The following NDST3 variants were observed in gnomAD, a reference collection of about 807,000 sequenced individuals.
NDST3 encodes the protein N-deacetylase and N-sulfotransferase 3, also known as bifunctional heparan sulfate N-deacetylase/N-sulfotransferase 3.
Under a neutral mutation model 96.1 loss-of-function variants are expected in NDST3, and 58 were observed. The ratio of observed to expected loss-of-function variants is 0.60; its 90% CI spans 0.49 to 0.75. The LOEUF (loss-of-function observed/expected upper bound fraction) is 0.75. NDST3 is among the 30% of genes least tolerant of loss of function. The probability of loss-of-function intolerance (pLI) is 0.00; values close to 1 mark genes in which losing one functional copy is unlikely to be tolerated. For missense variants in NDST3, 788 were observed against 1,034.2 expected (o/e 0.76, Z 3.27); for synonymous variants, 333 against 359.7 (o/e 0.93, Z 0.84).
At chr4:118,079,079 C>A (rs1727808619) in intron 2 of NDST3, among the ~76,000 whole-genome samples, 1 of 152,060 alleles carries the variant, frequency 6.6e-6, no homozygotes, top group Non-Finnish European at 1.5e-5. Context: ...AAAACTAGAC[C>A]ATTTTTGGCC....
chr4:118,230,938 A>G (rs1471906786), intron 8 of NDST3, among the ~76,000 whole-genome samples: 1 of 152,184 alleles, frequency 6.6e-6, no homozygotes, highest in Non-Finnish European at 1.5e-5. Context: ...TATTAAAGAA[A>G]GCTTAATTTA....
Position 118,164,600 on chromosome 4 carries a change from T to G in NDST3, c.1539+20916T>G, listed in dbSNP as rs116045114. Among the ~76,000 whole-genome samples the G allele has an allele frequency of 2.9e-3, 440 of 152,142 alleles. 2 individuals carry two copies. The highest frequency in any genetic ancestry group is 9.9e-3 in the African/African-American group (413 of 41,516). On this transcript the variant is annotated intron_variant, in intron 6 of 13. Transcript: ENST00000296499. ...CTAAAAGGAGTCCTTCAAGTTGAAA[T>G]GAAAACACCCTAGGCAGCAGCAGAA...
chr4:118,104,357 T>C (rs746494833), intron 2 of NDST3, among the ~76,000 whole-genome samples: 11 of 151,896 alleles, frequency 7.2e-5, no homozygotes, highest in Non-Finnish European at 1.0e-4. Context: ...GACTTAAAGA[T>C]TGAGAAAGAA....
chr4:118,114,234 C>T (rs534914089), intron 3 of NDST3, among the ~76,000 whole-genome samples: 24 of 152,168 alleles, frequency 1.6e-4, no homozygotes, highest in Non-Finnish European at 2.4e-4. Context: ...CAACTTCTGT[C>T]CATCACCTTC....
In NDST3 at chr4:118,114,720, C is replaced by T. The variant is rs757400621; in HGVS notation, c.1070-86C>T. On this transcript the variant is annotated intron_variant, in intron 3 of 13. Transcript: ENST00000296499. Reference sequence around the variant, plus strand: ...AAATGATGGCTTCTAAATACATATACGAGAAAAGATTAAATAGATAAGTAG... The same window carrying T: ...AAATGATGGCTTCTAAATACATATATGAGAAAAGATTAAATAGATAAGTAG... 9.9e-5 allele frequency: 138 copies of T among 1,391,230 alleles called. 1 individual carries two copies. Among genetic ancestry groups the T allele is most frequent in the Non-Finnish European group, 1.3e-4 (127 of 1,007,240 alleles). The allele number at this position is 1,391,230 out of a possible 1,614,324, so 86.2% of individuals were successfully genotyped here. A position where few individuals can be genotyped will look rare whatever the true frequency, so the allele number is the denominator to read the frequency against.
chr4:118,144,720 G>GA (rs975922170), intron 6 of NDST3, among the ~76,000 whole-genome samples: 8 of 141,656 alleles, frequency 5.6e-5, no homozygotes, highest in East Asian at 2.1e-4. Flanking sequence ...ATTCAAGATG[G>GA]AAAAAAAATT....
intron 2 of NDST3, chr4:118,055,446 G>C (rs1725362021): frequency 6.4e-6 from 1 of 155,798 alleles, no homozygotes; most frequent in East Asian, 1.9e-4. Context: ...TTAAACATGA[G>C]GATTTAACTT....
At chr4:118,084,339 A>G (rs1728252918) in intron 2 of NDST3, among the ~76,000 whole-genome samples, 1 of 152,172 alleles carries the variant, frequency 6.6e-6, no homozygotes, top group South Asian at 2.1e-4. Context: ...TATCTTAATT[A>G]TACATGATAA....
chr4:118,055,433 C>G (rs961012968), intron 2 of NDST3: 5 of 157,682 alleles, frequency 3.2e-5, no homozygotes, highest in African/African-American at 1.2e-4. Flanking sequence ...TATTTATTCA[C>G]ATTTAAACAT....
chr4:118,063,206 A>G (rs1304930584), intron 2 of NDST3, among the ~76,000 whole-genome samples: 18 of 131,348 alleles, frequency 1.4e-4, no homozygotes, highest in African/African-American at 1.6e-4. Flanking sequence ...AAAAAAAAAA[A>G]GGTCTGATGC....
intron 4 of NDST3, 96 bp from the exon 5 acceptor site, chr4:118,137,957 TA>T: frequency 9.7e-7 from 1 of 1,035,918 alleles, no homozygotes; most frequent in Non-Finnish European, 1.4e-6. Context: ...ATGATGCATT[TA>T]AATATATATA....
intron 5 of NDST3, among the ~76,000 whole-genome samples, chr4:118,140,645 G>A (rs1319124395): frequency 6.6e-6 from 1 of 152,154 alleles, no homozygotes; most frequent in East Asian, 1.9e-4. Flanking sequence ...CATGGCTGGG[G>A]AGACCTCAAG....
At chr4:118,193,399 G>C in intron 6 of NDST3, 1 of 635,078 alleles carries the variant, frequency 1.6e-6, no homozygotes, top group South Asian at 2.0e-5. Context: ...GGCTGGTGGA[G>C]AGGGGCTATG....
chr4:118,044,461 A>G (rs918432209), intron 1 of NDST3, among the ~76,000 whole-genome samples: 1 of 152,206 alleles, frequency 6.6e-6, no homozygotes, highest in Non-Finnish European at 1.5e-5. Context: ...CAGTGTTTGT[A>G]AGATTTGTCC....
intron 8 of NDST3, among the ~76,000 whole-genome samples, chr4:118,230,392 G>A (rs868597180): frequency 1.3e-5 from 2 of 152,140 alleles, no homozygotes; most frequent in South Asian, 4.1e-4. Context: ...TGGCTAACAC[G>A]GTGAAATCCC....
chr4:118,251,125 A>ATTT lies in NDST3; in HGVS notation c.2400-2372_2400-2370dup, dbSNP rs370800744. On this transcript the variant is annotated intron_variant, in intron 12 of 13. Coordinates refer to ENST00000296499, the MANE Select transcript of NDST3 (RefSeq NM_004784.3). ...ATTTATTTATTTATTTATTATTTTT[A>ATTT]TTTTATTTTTTTTTTTTTTGAGACG... 6.3e-4 allele frequency among the ~76,000 whole-genome samples: 70 copies of ATTT among 111,704 alleles called. 3 individuals are homozygous for ATTT. Among genetic ancestry groups the ATTT allele is most frequent in the Non-Finnish European group, 8.9e-4 (48 of 53,806 alleles). The allele number at this position is 111,704 out of a possible 152,430, so 73.3% of individuals were successfully genotyped here. A position where few individuals can be genotyped will look rare whatever the true frequency, so the allele number is the denominator to read the frequency against.
intron 6 of NDST3, among the ~76,000 whole-genome samples, chr4:118,216,871 A>G (rs1225694276): frequency 6.6e-6 from 1 of 152,130 alleles, no homozygotes; most frequent in African/African-American, 2.4e-5. Flanking sequence ...CAGCTTTACA[A>G]ATAAGATTAC....
intron 12 of NDST3, among the ~76,000 whole-genome samples, chr4:118,242,770 G>A (rs182777764): frequency 2.0e-5 from 3 of 151,720 alleles, no homozygotes; most frequent in Admixed American, 6.6e-5. Context: ...GGTTTCCTCC[G>A]ATTTTCTTAG....
At chr4:118,148,769 G>A (rs964379625) in intron 6 of NDST3, among the ~76,000 whole-genome samples, 1 of 152,060 alleles carries the variant, frequency 6.6e-6, no homozygotes, top group Non-Finnish European at 1.5e-5. Flanking sequence ...TTGACCTAAT[G>A]GGAAGTTTTA....
Sources: allele counts gnomAD v4.1 joint callset (sites outside exome capture counted in the v4.1 genomes callset), GRCh38; gene constraint gnomAD v4.1.1; transcripts MANE v1.5; gene names NCBI Gene and HGNC (gene_info 2026-07-23, HGNC 2026-07-21).